Variants in PTPRT observed in about 807,000 individuals in gnomAD.
PTPRT encodes the protein receptor-type tyrosine-protein phosphatase T.
A neutral mutation model predicts 176.8 loss-of-function variants in PTPRT; 56 were observed. The observed-to-expected ratio is 0.32, with a 90% confidence interval of 0.26 to 0.40. The LOEUF (loss-of-function observed/expected upper bound fraction) is 0.40, where lower values mean the gene tolerates loss of function less well. Among genes scored for constraint, PTPRT ranks in the 10% least tolerant of loss-of-function variants. The pLI is 1.00. For missense variants in PTPRT, 1,540 were observed against 1,908.2 expected, an observed-to-expected ratio of 0.81 and a Z score of 3.60; for synonymous variants, 783 against 739.0, an observed-to-expected ratio of 1.06 and a Z score of -0.96.
intron 18 of PTPRT, among the ~76,000 whole-genome samples, chr20:42,130,287 T>A (rs1988064023): frequency 1.3e-5 from 2 of 152,150 alleles, no homozygotes; most frequent in African/African-American, 4.8e-5. Flanking sequence ...CTGCCTGCCC[T>A]TGGGCTGAAG....
chr20:42,532,240 T>G (rs1213934842), intron 7 of PTPRT, among the ~76,000 whole-genome samples: 3 of 152,124 alleles, frequency 2.0e-5, no homozygotes, highest in Non-Finnish European at 4.4e-5. Context: ...AGCCTCAGCT[T>G]CCATCTCTGA....
At chr20:42,342,926 C>T (rs954700062) in intron 11 of PTPRT, among the ~76,000 whole-genome samples, 1 of 152,210 alleles carries the variant, frequency 6.6e-6, no homozygotes, top group Non-Finnish European at 1.5e-5. Flanking sequence ...TAACTAACTG[C>T]ACCTGTCAAA....
chr20:42,722,857 T>C (rs141838767), intron 6 of PTPRT, among the ~76,000 whole-genome samples: 1 of 152,114 alleles, frequency 6.6e-6, no homozygotes, highest in Non-Finnish European at 1.5e-5. Flanking sequence ...ACCCCAGAAA[T>C]GAGCTCATCG....
intron 16 of PTPRT, among the ~76,000 whole-genome samples, chr20:42,166,624 GAGA>G (rs1423193789): frequency 6.6e-6 from 1 of 152,138 alleles, no homozygotes; most frequent in Non-Finnish European, 1.5e-5. Flanking sequence ...ATAACTATTT[GAGA>G]AGAAGTCGGG....
intron 1 of PTPRT, among the ~76,000 whole-genome samples, chr20:43,180,401 C>T (rs2015226259): frequency 6.6e-6 from 1 of 151,230 alleles, no homozygotes; most frequent in African/African-American, 2.4e-5. Context: ...TCCTCTCTCT[C>T]CCTGTCATAT....
At chr20:42,236,774 CAT>C (rs1447089686) in intron 14 of PTPRT, among the ~76,000 whole-genome samples, 1 of 151,972 alleles carries the variant, frequency 6.6e-6, no homozygotes, top group African/African-American at 2.4e-5. Context: ...TTAGTAAGGT[CAT>C]ACCCAAAGCA....
At chr20:42,104,356 C>A (rs184221973) in intron 25 of PTPRT, among the ~76,000 whole-genome samples, 1 of 152,210 alleles carries the variant, frequency 6.6e-6, no homozygotes, top group East Asian at 1.9e-4. Flanking sequence ...CTACTTTCCA[C>A]CACGTGAATA....
chr20:42,641,411 G>A (rs2074746919), intron 7 of PTPRT, among the ~76,000 whole-genome samples: 1 of 152,142 alleles, frequency 6.6e-6, no homozygotes. Flanking sequence ...TTATAGGTCT[G>A]CAAGAATTGT....
chr20:42,058,493 A>G, the PTPRT span, among the ~76,000 whole-genome samples: 10 of 152,258 alleles, frequency 6.6e-5, no homozygotes, highest in South Asian at 1.5e-3. Flanking sequence ...ATATTCTCCA[A>G]GCCCCTCACC....
At chr20:42,548,346 T>C (rs2072711478) in intron 7 of PTPRT, among the ~76,000 whole-genome samples, 1 of 151,982 alleles carries the variant, frequency 6.6e-6, no homozygotes, top group Admixed American at 6.6e-5. Flanking sequence ...TAATGAGCTC[T>C]GAGAAAGGCC....
chr20:42,055,500 T>C, the PTPRT span, among the ~76,000 whole-genome samples: 1 of 152,226 alleles, frequency 6.6e-6, no homozygotes, highest in African/African-American at 2.4e-5. Flanking sequence ...AGTATTTGTT[T>C]TTCTAAGAGC....
intron 7 of PTPRT, among the ~76,000 whole-genome samples, chr20:42,488,868 G>T (rs1266847044): frequency 6.6e-6 from 1 of 151,828 alleles, no homozygotes; most frequent in Non-Finnish European, 1.5e-5. Flanking sequence ...GGAGGCTGAG[G>T]TAGGAGAATT....
intron 17 of PTPRT, among the ~76,000 whole-genome samples, chr20:42,158,332 A>G (rs1600606031): frequency 6.6e-6 from 1 of 152,216 alleles, no homozygotes; most frequent in East Asian, 1.9e-4. Flanking sequence ...GTCCCTGGGA[A>G]TAGTAAATAG....
intron 1 of PTPRT, 139 bp from the exon 2 acceptor site, chr20:42,886,071 A>ATATATATAT: frequency 2.5e-6 from 1 of 395,456 alleles, no homozygotes; most frequent in Non-Finnish European, 3.6e-6. Context: ...ATATATATAT[A>ATATATATAT]AAAGATGAGC....
At chr20:43,135,078 T>C (rs1271311079) in intron 1 of PTPRT, among the ~76,000 whole-genome samples, 5 of 152,158 alleles carry the variant, frequency 3.3e-5, no homozygotes, top group African/African-American at 4.8e-5. Flanking sequence ...TGAGAACCAC[T>C]GAGTTAGGTA....
rs1421116332 is a variant in PTPRT, at chr20:42,127,792, T to C, written c.2847+962A>G. On this transcript the variant is annotated intron_variant, in intron 19 of 30. Transcript: ENST00000373187. ...CATGCATACCCTTCTTGGCTCCTGTTTGAGTTTAGTCCCTTCCTCAGTCGT... is the reference window on the plus strand; with the variant it reads ...CATGCATACCCTTCTTGGCTCCTGTCTGAGTTTAGTCCCTTCCTCAGTCGT... Among the ~76,000 whole-genome samples, 4 of 152,228 alleles carry C rather than the reference T, an allele frequency of 2.6e-5. No homozygotes were observed. In the South Asian group the frequency reaches 8.3e-4, roughly 32 times the overall value.
chr20:43,183,696 T>C (rs1232685524), intron 1 of PTPRT, among the ~76,000 whole-genome samples: 1 of 152,230 alleles, frequency 6.6e-6, no homozygotes, highest in African/African-American at 2.4e-5. Flanking sequence ...TCGCTTCCTA[T>C]AAACCCCTGC....
Position 42,286,538 on chromosome 20 carries a change from G to T in PTPRT, c.2140-4013C>A, listed in dbSNP as rs192485915. On this transcript the variant is annotated intron_variant, in intron 12 of 30. Coordinates refer to ENST00000373187, the MANE Select transcript of PTPRT (RefSeq NM_007050.6). ...GAAAATGGATCATCCATATTCAGAA[G>T]AACGAAACTAGACCGCCACCTCTCA... Among the ~76,000 whole-genome samples the T allele has an allele frequency of 3.4e-3, 522 of 151,930 alleles. 4 individuals carry two copies. The highest frequency in any genetic ancestry group is 0.012 in the African/African-American group (506 of 41,496).
intron 20 of PTPRT, 67 bp downstream of exon 20, chr20:42,119,868 A>T: frequency 7.1e-7 from 1 of 1,410,084 alleles, no homozygotes; most frequent in Non-Finnish European, 9.9e-7. Flanking sequence ...CCTTGCAGTT[A>T]AGAGAGCCCT....
Sources: allele counts gnomAD v4.1 joint callset (sites outside exome capture counted in the v4.1 genomes callset), GRCh38; gene constraint gnomAD v4.1.1; transcripts MANE v1.5; gene names NCBI Gene and HGNC (gene_info 2026-07-23, HGNC 2026-07-21).